Variants in FAM193B observed in about 807,000 individuals in gnomAD.
FAM193B encodes the protein protein FAM193B.
Under a neutral mutation model 70.7 loss-of-function variants are expected in FAM193B, and 27 were observed. That is an observed-to-expected ratio of 0.38 (90% CI 0.28 to 0.53). The LOEUF is 0.53. Ranked by LOEUF, FAM193B falls within the 20% of genes least tolerant of loss-of-function variation. The probability of loss-of-function intolerance (pLI) is 0.81; values close to 1 mark genes in which losing one functional copy is unlikely to be tolerated. For missense variants in FAM193B, 1,022 were observed against 1,072.5 expected (o/e 0.95, Z 0.66); for synonymous variants, 448 against 436.0 (o/e 1.03, Z -0.34).
intron 1 of FAM193B, chr5:177,553,920 C>G: frequency 8.2e-7 from 1 of 1,218,062 alleles, no homozygotes; most frequent in Non-Finnish European, 1.0e-6. Context: ...GGGGAGGTGG[C>G]GGGCCGAGAG....
At chr5:177,553,786 GGCCGCGGCTGCAGGC>G in intron 1 of FAM193B, 3 of 1,287,300 alleles carry the variant, frequency 2.3e-6, no homozygotes, top group Non-Finnish European at 3.0e-6. Flanking sequence ...CTGCTGAGGG[GGCCGCGGCTGCAGGC>G]GCTGCAGGGG....
chr5:177,546,942 C>G (rs1765502238), intron 1 of FAM193B, among the ~76,000 whole-genome samples: 1 of 152,168 alleles, frequency 6.6e-6, no homozygotes, highest in African/African-American at 2.4e-5. Flanking sequence ...GTCAAACTGC[C>G]ACTCTGCTAC....
At chr5:177,546,862 C>T (rs1287046491) in intron 1 of FAM193B, among the ~76,000 whole-genome samples, 2 of 152,192 alleles carry the variant, frequency 1.3e-5, no homozygotes, top group South Asian at 2.1e-4. Context: ...CTAGCTCATC[C>T]GCTGAACTGC....
In FAM193B at chr5:177,539,151, T is replaced by A; in HGVS notation, c.211-4A>T. 6.4e-7 allele frequency: 1 copy of A among 1,550,946 alleles called. No individual in the cohort carries two copies. Among genetic ancestry groups the A allele is most frequent in the Admixed American group, 1.9e-5 (1 of 51,804 alleles). ...GCTGGCTGGAGGCGGGGGGGACCTG[T>A]CCAACAGACAGAAACAGGGTTTCCC... On this transcript the variant is annotated splice_polypyrimidine_tract_variant and splice_region_variant and intron_variant, in intron 1 of 8. Coordinates refer to ENST00000514747, the MANE Select transcript of FAM193B (RefSeq NM_001190946.3).
chr5:177,523,957 C>T lies in FAM193B; in HGVS notation c.2372G>A (p.Arg791Lys). Reference sequence around the variant, plus strand: ...GGGAGAGCAGGCAGCCCACACCTACCTCTTAAAGTACTCCACCTCTCGGTC... The same window carrying T: ...GGGAGAGCAGGCAGCCCACACCTACTTCTTAAAGTACTCCACCTCTCGGTC... ...ETDREVEYFK[R>K]FCLDSAKQTR... The change falls in exon 7 of 9, where the codon AGG (arginine) becomes AAG (lysine). Residue 791 changes from arginine (R) to lysine (K), a missense_variant and splice_region_variant. Coordinates refer to ENST00000514747, the MANE Select transcript of FAM193B (RefSeq NM_001190946.3). 1 of 1,614,086 alleles carries T rather than the reference C, an allele frequency of 6.2e-7. No individual in the cohort carries two copies. Among genetic ancestry groups the T allele is most frequent in the African/African-American group, 1.3e-5 (1 of 75,080 alleles).
intron 5 of FAM193B, chr5:177,531,755 A>G: frequency 2.8e-6 from 2 of 707,648 alleles, no homozygotes; most frequent in Non-Finnish European, 3.9e-6. Context: ...GGAGCCAGAA[A>G]AACAAGTTGG....
intron 5 of FAM193B, chr5:177,531,857 A>G: frequency 1.7e-6 from 2 of 1,169,442 alleles, no homozygotes; most frequent in East Asian, 1.2e-4. Flanking sequence ...AAATGAGGAT[A>G]ATAACCCCTA....
At chr5:177,522,507 A>ATT (rs199726921) in intron 7 of FAM193B, among the ~76,000 whole-genome samples, 22 of 149,678 alleles carry the variant, frequency 1.5e-4, no homozygotes, top group Admixed American at 4.7e-4. Flanking sequence ...TAAAATTACT[A>ATT]TTTTTTTTTT....
intron 1 of FAM193B, among the ~76,000 whole-genome samples, chr5:177,547,433 C>CCT (rs1765593122): frequency 6.6e-6 from 1 of 150,562 alleles, no homozygotes. Context: ...TACAGGCACG[C>CCT]GCCACCATGC....
At position 177,537,877 on chromosome 5, in the gene FAM193B, G is replaced by C. The variant is rs1455165311; in HGVS notation, c.684C>G (p.Ile228Met). The part of the protein sequence containing the change: ...PGSSLGSPPT[I>M]PGEAFPVSEH... Reference sequence around the variant, plus strand: ...CTCCCGAGCCTGGAGACTCACCGGGGATGGTAGGAGGACTCCCAAGAGAGC... The same window carrying C: ...CTCCCGAGCCTGGAGACTCACCGGGCATGGTAGGAGGACTCCCAAGAGAGC... The change falls in exon 3 of 9, where the codon ATC (isoleucine) becomes ATG (methionine). Residue 228 changes from isoleucine (I) to methionine (M), a missense_variant. Transcript: ENST00000514747. The C allele has an allele frequency of 1.2e-6, 2 of 1,607,512 alleles. No individual in the cohort carries two copies. The highest frequency in any genetic ancestry group is 1.7e-6 in the Non-Finnish European group (2 of 1,176,306).
intron 8 of FAM193B, among the ~76,000 whole-genome samples, chr5:177,521,592 G>A (rs774261558): frequency 7.9e-5 from 12 of 152,362 alleles, no homozygotes; most frequent in Middle Eastern, 6.8e-3. Context: ...TTGACACAAG[G>A]ACTGATAACA....
intron 4 of FAM193B, 88 bp downstream of exon 4, chr5:177,536,270 T>C: frequency 7.3e-7 from 1 of 1,373,172 alleles, no homozygotes; most frequent in South Asian, 1.3e-5. Context: ...AGTCTACTTT[T>C]TAATTGCCAC....
intron 5 of FAM193B, chr5:177,531,517 G>A: frequency 7.7e-7 from 1 of 1,305,730 alleles, no homozygotes; most frequent in Non-Finnish European, 1.0e-6. Flanking sequence ...CGGGGCAGCG[G>A]GTGGCTGGGG....
In FAM193B at chr5:177,554,523, C is replaced by T. The variant is rs1319678421; in HGVS notation, c.-65G>A. ...CCGCCGCCGCCGCCGCCGCCGCCGC[C>T]GCCGCCGCTACCGCTCCCCTCACAG... On this transcript the variant is annotated 5_prime_UTR_variant, in exon 1 of 9. Coordinates refer to ENST00000514747, the MANE Select transcript of FAM193B (RefSeq NM_001190946.3). The T allele has an allele frequency of 1.2e-5, 11 of 920,276 alleles. No homozygotes were observed. Among genetic ancestry groups the T allele is most frequent in the Non-Finnish European group, 1.4e-5 (11 of 766,772 alleles). The allele number at this position is 920,276 out of a possible 1,614,324, so 57.0% of individuals were successfully genotyped here. A position where few individuals can be genotyped will look rare whatever the true frequency, so the allele number is the denominator to read the frequency against.
intron 1 of FAM193B, among the ~76,000 whole-genome samples, chr5:177,549,259 C>T (rs1765882226): frequency 7.4e-6 from 1 of 135,394 alleles, no homozygotes; most frequent in East Asian, 2.2e-4. Context: ...GTGGCGCGAT[C>T]TTGGCTCACT....
intron 1 of FAM193B, among the ~76,000 whole-genome samples, chr5:177,549,861 C>A (rs1765964929): frequency 2.4e-5 from 1 of 41,544 alleles, no homozygotes; most frequent in Non-Finnish European, 1.4e-4. Context: ...GTGGTAGAAT[C>A]CTTACTTATT....
At chr5:177,523,767 C>T (rs1441166054) in intron 7 of FAM193B, among the ~76,000 whole-genome samples, 190 bp downstream of exon 7, 2 of 152,378 alleles carry the variant, frequency 1.3e-5, no homozygotes, top group Non-Finnish European at 2.9e-5. Flanking sequence ...GATGTGCCAT[C>T]CTGCCCAGTG....
At position 177,538,855 on chromosome 5, in the gene FAM193B, T is replaced by G. The variant is rs1764505582; in HGVS notation, c.453+50A>C. 6.2e-7 allele frequency: 1 copy of G among 1,605,292 alleles called. No individual in the cohort carries two copies. The highest frequency in any genetic ancestry group is 1.1e-5 in the South Asian group (1 of 89,834). ...GAGGACAGGGAACAGCCTGACTTCC[T>G]TGGGGAGGAGCCCTCCTGCATTCAG... is the stretch of plus-strand genomic sequence containing the variant. On this transcript the variant is annotated intron_variant, in intron 2 of 8. Coordinates refer to ENST00000514747, the MANE Select transcript of FAM193B (RefSeq NM_001190946.3). The surrounding 1 kb of genome is among the most constrained non-coding windows in gnomAD (Gnocchi z 4.1).
Position 177,539,158 on chromosome 5 carries a change from G to A in FAM193B, c.211-11C>T. 1 of 1,543,854 alleles carries A rather than the reference G, an allele frequency of 6.5e-7. No individual in the cohort carries two copies. Among genetic ancestry groups the A allele is most frequent in the African/African-American group, 1.4e-5 (1 of 73,328 alleles). On this transcript the variant is annotated splice_polypyrimidine_tract_variant and intron_variant, in intron 1 of 8. Coordinates refer to ENST00000514747, the MANE Select transcript of FAM193B (RefSeq NM_001190946.3). ...GGAGGCGGGGGGGACCTGTCCAACA[G>A]ACAGAAACAGGGTTTCCCAGGAGGG...
Sources: allele counts gnomAD v4.1 joint callset (sites outside exome capture counted in the v4.1 genomes callset), GRCh38; gene constraint gnomAD v4.1.1; non-coding constraint Gnocchi (gnomAD v3.1); transcripts MANE v1.5; gene names NCBI Gene and HGNC (gene_info 2026-07-23, HGNC 2026-07-21).